DAB1: variants seen among roughly 807,000 people sequenced by gnomAD.
DAB1 encodes the protein disabled homolog 1.
In DAB1, 15 loss-of-function variants were observed where a neutral mutation model predicts 64.6. The ratio of observed to expected loss-of-function variants is 0.23; its 90% confidence interval spans 0.16 to 0.36. DAB1 has a LOEUF of 0.36. DAB1 is among the 10% of genes least tolerant of loss of function. The probability of loss-of-function intolerance (pLI) is 1.00; values close to 1 mark genes in which losing one functional copy is unlikely to be tolerated. For synonymous variants in DAB1, 235 were observed against 251.9 expected, an observed-to-expected ratio of 0.93 and a Z score of 0.64; for missense variants, 596 against 706.7, an observed-to-expected ratio of 0.84 and a Z score of 1.78.
intron 4 of DAB1, among the ~76,000 whole-genome samples, chr1:58,195,838 C>T (rs1657646684): frequency 6.6e-6 from 1 of 152,158 alleles, no homozygotes; most frequent in African/African-American, 2.4e-5. Context: ...TACAATAGCC[C>T]TAACAGGAAG....
intron 1 of DAB1, chr1:57,867,290 C>T (rs944045068): frequency 6.6e-5 from 10 of 152,146 alleles, no homozygotes; most frequent in African/African-American, 9.7e-5. Context: ...AAATATGGGT[C>T]TCCCTTTGGG....
chr1:57,479,177 A>G (rs887855543), intron 7 of DAB1, among the ~76,000 whole-genome samples: 17 of 152,106 alleles, frequency 1.1e-4, no homozygotes, highest in Non-Finnish European at 1.9e-4. Flanking sequence ...TAAAATGTTG[A>G]ATTAAGTTGA....
At chr1:57,246,260 C>T (rs984930103) in intron 2 of DAB1, among the ~76,000 whole-genome samples, 2 of 151,780 alleles carry the variant, frequency 1.3e-5, no homozygotes, top group Non-Finnish European at 2.9e-5. Flanking sequence ...GAACCTACCA[C>T]CCGCTGCCCC....
chr1:57,772,038 T>C (rs969021344), intron 6 of DAB1, among the ~76,000 whole-genome samples: 24 of 152,174 alleles, frequency 1.6e-4, no homozygotes, highest in African/African-American at 5.3e-4. Flanking sequence ...AAAGACTGCA[T>C]TGGAAACTTA....
intron 5 of DAB1, among the ~76,000 whole-genome samples, chr1:58,058,187 A>G (rs1036446971): frequency 6.6e-6 from 1 of 152,092 alleles, no homozygotes; most frequent in African/African-American, 2.4e-5. Flanking sequence ...AGTACTCATT[A>G]AGTGCTTACT....
At chr1:57,625,718 T>C (rs1235952962) in intron 7 of DAB1, among the ~76,000 whole-genome samples, 2 of 151,838 alleles carry the variant, frequency 1.3e-5, no homozygotes, top group Admixed American at 1.3e-4. Context: ...GTCAGGCTGC[T>C]AAATTAGAGG....
intron 7 of DAB1, among the ~76,000 whole-genome samples, chr1:57,466,367 C>T: frequency 6.6e-6 from 1 of 151,850 alleles, no homozygotes; most frequent in East Asian, 1.9e-4. Context: ...AATGATTGAC[C>T]ATTTTCCTTT....
chr1:57,710,475 CT>C (rs1647014810), intron 6 of DAB1, among the ~76,000 whole-genome samples: 1 of 152,110 alleles, frequency 6.6e-6, no homozygotes, highest in South Asian at 2.1e-4. Context: ...TTAAGACAGT[CT>C]TTTATACAGT....
At chr1:57,873,724 G>A (rs74406459) in intron 1 of DAB1, among the ~76,000 whole-genome samples, 230 of 152,270 alleles carry the variant, frequency 1.5e-3, no homozygotes, top group Middle Eastern at 3.4e-3. Context: ...TTAGCCCTCT[G>A]TGCCTCAGTT....
intron 9 of DAB1, among the ~76,000 whole-genome samples, chr1:57,043,244 C>T (rs1302308762): frequency 6.6e-6 from 1 of 152,184 alleles, no homozygotes; most frequent in Non-Finnish European, 1.5e-5. Context: ...TTTTCAGCCT[C>T]TCAAACTTAA....
chr1:58,161,321 T>G (rs1655524611), intron 4 of DAB1, among the ~76,000 whole-genome samples: 1 of 152,168 alleles, frequency 6.6e-6, no homozygotes, highest in African/African-American at 2.4e-5. Flanking sequence ...ATGCATACAG[T>G]AGCCTGGGAA....
intron 1 of DAB1, among the ~76,000 whole-genome samples, chr1:57,857,569 T>C (rs1040931765): frequency 6.6e-6 from 1 of 152,194 alleles, no homozygotes; most frequent in African/African-American, 2.4e-5. Context: ...ACCTCTATTT[T>C]ATAGATGATG....
At chr1:58,416,155 G>A (rs1328505668) in intron 3 of DAB1, among the ~76,000 whole-genome samples, 1 of 152,110 alleles carries the variant, frequency 6.6e-6, no homozygotes, top group Non-Finnish European at 1.5e-5. Context: ...GTGTGTCCCA[G>A]CTCACATAGC....
intron 5 of DAB1, among the ~76,000 whole-genome samples, chr1:58,021,899 C>G (rs952858605): frequency 9.2e-5 from 14 of 152,166 alleles, no homozygotes; most frequent in African/African-American, 3.1e-4. Flanking sequence ...CCATTGTGTT[C>G]AGAAGCAGAA....
intron 5 of DAB1, among the ~76,000 whole-genome samples, chr1:58,111,958 A>T (rs996994794): frequency 2.6e-5 from 4 of 151,820 alleles, no homozygotes; most frequent in Non-Finnish European, 4.4e-5. Context: ...AAGCCTTATA[A>T]TGGCCTCCAA....
chr1:57,880,880 A>G (rs1189035140), intron 1 of DAB1: 1 of 152,222 alleles, frequency 6.6e-6, no homozygotes. Context: ...TACATTTTAT[A>G]TCAATAAAAT....
intron 5 of DAB1, chr1:58,060,072 T>C (rs1259484573): frequency 1.3e-5 from 2 of 152,400 alleles, no homozygotes; most frequent in Non-Finnish European, 2.9e-5. Context: ...AGAGCACACA[T>C]CCGGGAAAGG....
At chr1:57,222,260 T>G (rs1666938780) in intron 2 of DAB1, among the ~76,000 whole-genome samples, 1 of 152,170 alleles carries the variant, frequency 6.6e-6, no homozygotes, top group South Asian at 2.1e-4. Context: ...CCTTCCTTGC[T>G]CCTTCAAAAT....
intron 5 of DAB1, among the ~76,000 whole-genome samples, chr1:58,057,359 G>C (rs1019043270): frequency 6.6e-6 from 1 of 152,088 alleles, no homozygotes; most frequent in African/African-American, 2.4e-5. Flanking sequence ...ACTTTCTTTG[G>C]AAGCAGGATT....
Sources: gnomAD v4.1 joint callset for allele counts (sites outside exome capture counted in the v4.1 genomes callset) on GRCh38, gnomAD v4.1.1 for gene constraint, MANE v1.5 for transcripts, NCBI Gene and HGNC (gene_info 2026-07-23, HGNC 2026-07-21) for gene names.